BAIAP2L1: variants seen among roughly 807,000 people sequenced by gnomAD.
BAIAP2L1 encodes the protein BAR/IMD domain containing adaptor protein 2 like 1.
In BAIAP2L1, 35 loss-of-function variants were observed where a neutral mutation model predicts 66.3. That is an observed-to-expected ratio of 0.53 (90% CI 0.40 to 0.70). The LOEUF is 0.70. Among genes scored for constraint, BAIAP2L1 ranks in the 30% least tolerant of loss-of-function variants. BAIAP2L1 has a pLI of 0.00. For synonymous variants in BAIAP2L1, 269 were observed against 248.7 expected (o/e 1.08, Z -0.77); for missense variants, 622 against 656.9 (o/e 0.95, Z 0.58).
At chr7:98,321,953 G>A (rs1801260086) in intron 3 of BAIAP2L1, among the ~76,000 whole-genome samples, 1 of 152,118 alleles carries the variant, frequency 6.6e-6, no homozygotes, top group Non-Finnish European at 1.5e-5. Flanking sequence ...AAAATTAGCT[G>A]GGCATGATGG....
intron 3 of BAIAP2L1, among the ~76,000 whole-genome samples, chr7:98,343,248 TACACACACACACACACAC>T (rs57033582): frequency 2.3e-5 from 3 of 128,590 alleles, no homozygotes; most frequent in East Asian, 4.7e-4. Context: ...AAAAAAAAAA[TACACACACACACACACAC>T]ACACACACAC....
chr7:98,303,061 A>G (rs1800493066), intron 12 of BAIAP2L1, among the ~76,000 whole-genome samples: 1 of 152,214 alleles, frequency 6.6e-6, no homozygotes, highest in Non-Finnish European at 1.5e-5. Flanking sequence ...TTGGAATTAC[A>G]CAGACATGAG....
At chr7:98,356,098 C>T (rs1177694088) in intron 2 of BAIAP2L1, among the ~76,000 whole-genome samples, 3 of 152,150 alleles carry the variant, frequency 2.0e-5, no homozygotes, top group African/African-American at 7.2e-5. Context: ...CTGCCCCCTT[C>T]GAACTGATTC....
Position 98,307,837 on chromosome 7 carries a change from T to C in BAIAP2L1, c.1015A>G (p.Met339Val). The change falls in exon 10 of 14, where the codon ATG (methionine) becomes GTG (valine). Residue 339 changes from methionine (M) to valine (V), a missense_variant. Transcript: ENST00000005260. Reference sequence around the variant, plus strand: ...ATGGTCTTCACTTTCTGCTTCTTCATCATGTTCAGTCCCGTTGCAACCGAA... The same window carrying C: ...ATGGTCTTCACTTTCTGCTTCTTCACCATGTTCAGTCCCGTTGCAACCGAA... ...SVSVATGLNM[M>V]KKQKVKTIFP... The C allele has an allele frequency of 6.2e-7, 1 of 1,614,256 alleles. No individual in the cohort carries two copies. The highest frequency in any genetic ancestry group is 8.5e-7 in the Non-Finnish European group (1 of 1,180,050).
chr7:98,359,445 G>C (rs1194941238), intron 2 of BAIAP2L1, among the ~76,000 whole-genome samples: 1 of 152,038 alleles, frequency 6.6e-6, no homozygotes, highest in Non-Finnish European at 1.5e-5. Context: ...GCTAATTTTT[G>C]TATCTTTAGC....
chr7:98,375,415 G>GA (rs1802600078), intron 1 of BAIAP2L1, among the ~76,000 whole-genome samples: 1 of 149,990 alleles, frequency 6.7e-6, no homozygotes, highest in Non-Finnish European at 1.5e-5. Flanking sequence ...AAAAATTTGT[G>GA]AGAGTGTAGA....
At chr7:98,383,567 G>A (rs1802814127) in intron 1 of BAIAP2L1, among the ~76,000 whole-genome samples, 1 of 151,978 alleles carries the variant, frequency 6.6e-6, no homozygotes, top group Non-Finnish European at 1.5e-5. Context: ...GATTACAGGC[G>A]TGAGCCACTG....
At chr7:98,390,041 G>A (rs1294067191) in intron 1 of BAIAP2L1, among the ~76,000 whole-genome samples, 13 of 150,032 alleles carry the variant, frequency 8.7e-5, no homozygotes, top group African/African-American at 2.9e-4. Context: ...TCAGCCTCCC[G>A]AGTAGCTGGG....
intron 1 of BAIAP2L1, among the ~76,000 whole-genome samples, chr7:98,383,854 A>G (rs1802821310): frequency 6.6e-6 from 1 of 152,150 alleles, no homozygotes; most frequent in South Asian, 2.1e-4. Context: ...CACAAAGATG[A>G]ATGAAGAAAG....
chr7:98,349,762 C>T (rs1263699620), intron 3 of BAIAP2L1, among the ~76,000 whole-genome samples: 1 of 151,496 alleles, frequency 6.6e-6, no homozygotes, highest in East Asian at 1.9e-4. Context: ...GTAATCCCAG[C>T]ACTTTGGGAG....
At chr7:98,333,263 C>T (rs530744734) in intron 3 of BAIAP2L1, among the ~76,000 whole-genome samples, 19 of 152,264 alleles carry the variant, frequency 1.2e-4, no homozygotes, top group African/African-American at 4.6e-4. Flanking sequence ...TTATCCCCAG[C>T]AACTAGAACA....
chr7:98,330,803 G>A (rs1801478699), intron 3 of BAIAP2L1, among the ~76,000 whole-genome samples: 1 of 151,340 alleles, frequency 6.6e-6, no homozygotes, highest in South Asian at 2.1e-4. Flanking sequence ...GTCACATGGT[G>A]TGAGAGGGAG....
At chr7:98,394,530 T>A (rs1803155010) in intron 1 of BAIAP2L1, among the ~76,000 whole-genome samples, 1 of 152,064 alleles carries the variant, frequency 6.6e-6, no homozygotes, top group African/African-American at 2.4e-5. Context: ...TACTTTAAAA[T>A]TTTTTTGCAC....
chr7:98,328,975 A>C (rs139673520), intron 3 of BAIAP2L1, among the ~76,000 whole-genome samples: 5 of 152,316 alleles, frequency 3.3e-5, no homozygotes, highest in Non-Finnish European at 5.9e-5. Flanking sequence ...ATTTTCCTCT[A>C]TCTTTTAAAA....
At chr7:98,395,546 GGGT>G (rs1027366866) in intron 1 of BAIAP2L1, among the ~76,000 whole-genome samples, 3 of 152,026 alleles carry the variant, frequency 2.0e-5, no homozygotes, top group Admixed American at 6.6e-5. Flanking sequence ...TCCTTGATCT[GGGT>G]GGTGGTTACA....
chr7:98,323,729 CT>C (rs1325951443), intron 3 of BAIAP2L1, among the ~76,000 whole-genome samples: 2 of 152,210 alleles, frequency 1.3e-5, no homozygotes, highest in Non-Finnish European at 2.9e-5. Context: ...AACACCTGGC[CT>C]TGTTATTCCT....
intron 1 of BAIAP2L1, among the ~76,000 whole-genome samples, chr7:98,383,192 A>G (rs1440517378): frequency 1.3e-5 from 2 of 151,834 alleles, no homozygotes; most frequent in African/African-American, 4.8e-5. Flanking sequence ...AAACAAACAA[A>G]AAAAAGAAAA....
chr7:98,391,792 G>T (rs1803052146), intron 1 of BAIAP2L1, among the ~76,000 whole-genome samples: 1 of 151,006 alleles, frequency 6.6e-6, no homozygotes, highest in African/African-American at 2.4e-5. Context: ...AAGACAAACA[G>T]AAGTATAAAA....
chr7:98,351,747 T>TC (rs1249231784), intron 3 of BAIAP2L1, among the ~76,000 whole-genome samples: 2 of 152,186 alleles, frequency 1.3e-5, no homozygotes, highest in Non-Finnish European at 2.9e-5. Flanking sequence ...AACTCACTGT[T>TC]CATTGGGTAT....
Sources: allele counts gnomAD v4.1 joint callset (sites outside exome capture counted in the v4.1 genomes callset), GRCh38; gene constraint gnomAD v4.1.1; transcripts MANE v1.5; gene names NCBI Gene and HGNC (gene_info 2026-07-23, HGNC 2026-07-21).